The following ABCC11 variants were observed in gnomAD, a reference collection of about 807,000 sequenced individuals.
The protein encoded by ABCC11 is ATP binding cassette subfamily C member 11, also known as ATP-binding cassette sub-family C member 11.
Under a neutral mutation model 149.3 loss-of-function variants are expected in ABCC11, and 135 were observed. The observed-to-expected ratio is 0.90, with a 90% CI of 0.79 to 1.04. The LOEUF is 1.04. Among genes scored for constraint, ABCC11 ranks in the 50% least tolerant of loss-of-function variants. The probability of loss-of-function intolerance (pLI) is 0.00; values close to 1 mark genes in which losing one functional copy is unlikely to be tolerated. For missense variants in ABCC11, 1,680 were observed against 1,722.1 expected (o/e 0.98, Z 0.43); for synonymous variants, 665 against 671.4 (o/e 0.99, Z 0.15).
chr16:48,210,731 A>C (rs574218173), intron 11 of ABCC11: 1 of 654,548 alleles, frequency 1.5e-6, no homozygotes, highest in African/African-American at 1.8e-5. Context: ...TTTGGGTCTT[A>C]CCTAAGCCAA....
rs555504955 is a variant in ABCC11, at chr16:48,224,217, C to T, written c.543+65G>A. 2.1e-4 allele frequency: 319 copies of T among 1,545,474 alleles called. 1 individual carries two copies. The highest frequency in any genetic ancestry group is 3.7e-4 in the African/African-American group (27 of 72,698). Reference sequence around the variant, plus strand: ...CTCCTGGCATGGACTTGAACATGCCCGCAGTTCCATCGCTAAACCTCTGAA... The same window carrying T: ...CTCCTGGCATGGACTTGAACATGCCTGCAGTTCCATCGCTAAACCTCTGAA... On this transcript the variant is annotated intron_variant, in intron 5 of 29. Transcript: ENST00000356608.
rs1164948658 is a variant in ABCC11, at chr16:48,198,258, G to A, written c.2100C>T (p.Gly700=). 6.2e-7 allele frequency: 1 copy of A among 1,614,002 alleles called. No homozygotes were observed. Among genetic ancestry groups the A allele is most frequent in the Non-Finnish European group, 8.5e-7 (1 of 1,180,038 alleles). The change falls in exon 16 of 30, where the codon GGC becomes GGT. Residue 700 remains glycine (G), a synonymous_variant. Coordinates refer to ENST00000356608, the MANE Select transcript of ABCC11 (RefSeq NM_001370497.1). ...TCCCATTTTCCAACAAAATGATCTGGCCACAAAATTCTAAGTACTGGACAG... is the reference window on the plus strand; with the variant it reads ...TCCCATTTTCCAACAAAATGATCTGACCACAAAATTCTAAGTACTGGACAG... ...THQLQYLEFC[G]QIILLENGKI... is the part of the protein sequence containing the mutation.
chr16:48,197,896 A>C, intron 17 of ABCC11, 75 bp downstream of exon 17: 1 of 1,491,750 alleles, frequency 6.7e-7, no homozygotes. Flanking sequence ...TCTGGGGTCA[A>C]GGAGGAAACA....
chr16:48,202,591 A>G (rs899575692), intron 14 of ABCC11, among the ~76,000 whole-genome samples: 1 of 151,718 alleles, frequency 6.6e-6, no homozygotes, highest in African/African-American at 2.4e-5. Context: ...AGCCTGGGTG[A>G]CAGACAGAGA....
chr16:48,190,584 G>A (rs780886963), intron 20 of ABCC11, among the ~76,000 whole-genome samples: 35 of 152,026 alleles, frequency 2.3e-4, no homozygotes, highest in Non-Finnish European at 3.8e-4. Context: ...GGCTGGTCTC[G>A]AACTCCTGAG....
intron 20 of ABCC11, among the ~76,000 whole-genome samples, chr16:48,189,744 A>G (rs910782675): frequency 6.6e-6 from 1 of 152,204 alleles, no homozygotes; most frequent in Admixed American, 6.5e-5. Flanking sequence ...GGAAAGTGTC[A>G]GGCCTCAGGT....
At chr16:48,186,283 C>T (rs1173542258) in intron 22 of ABCC11, among the ~76,000 whole-genome samples, 2 of 152,178 alleles carry the variant, frequency 1.3e-5, no homozygotes, top group African/African-American at 4.8e-5. Flanking sequence ...TATCTGATTC[C>T]CCCAGGCCAC....
chr16:48,167,567 C>T lies in ABCC11; in HGVS notation c.3985G>A (p.Val1329Met), dbSNP rs372662316. 144 of 1,614,026 alleles carry T rather than the reference C, an allele frequency of 8.9e-5. No homozygotes were observed. Among genetic ancestry groups the T allele is most frequent in the Non-Finnish European group, 1.1e-4 (124 of 1,180,038 alleles). ...TIREAFQGCT[V>M]LVIAHRVTTV... Reference sequence around the variant, plus strand: ...GTGACACGGTGGGCAATGACGAGCACGGTGCAGCCCTGGAAGGCTTCACGG... The same window carrying T: ...GTGACACGGTGGGCAATGACGAGCATGGTGCAGCCCTGGAAGGCTTCACGG... The change falls in exon 29 of 30, where the codon GTG becomes ATG. Residue 1329 changes from valine to methionine, a missense_variant. By Grantham distance (21) the Val-to-Met change is conservative (BLOSUM62 1). Transcript: ENST00000356608.
chr16:48,178,398 T>C (rs1479374059), intron 24 of ABCC11, among the ~76,000 whole-genome samples, 199 bp downstream of exon 24: 2 of 152,068 alleles, frequency 1.3e-5, no homozygotes, highest in Non-Finnish European at 1.5e-5. Context: ...AGGGATGTGG[T>C]CAAAGTGAGC....
rs141286085 is a variant in ABCC11, at chr16:48,201,161, C to T, written c.1879-682G>A. On this transcript the variant is annotated intron_variant, in intron 14 of 29. Transcript: ENST00000356608. ...AAAAATTGTAACTCTTACTTAGATA[C>T]AATTTTTCTAAACCTATCAACTTCT... Among the ~76,000 whole-genome samples the T allele has an allele frequency of 1.2e-3, 184 of 152,272 alleles. 1 individual carries two copies. Among genetic ancestry groups the T allele is most frequent in the African/African-American group, 4.3e-3 (179 of 41,550 alleles).
intron 14 of ABCC11, among the ~76,000 whole-genome samples, chr16:48,201,590 C>A (rs976688988): frequency 6.7e-6 from 1 of 149,792 alleles, no homozygotes; most frequent in African/African-American, 2.5e-5. Flanking sequence ...TGGGGTTACA[C>A]TGGACCTGGC....
chr16:48,241,846 A>G (rs1208621819), intron 1 of ABCC11, among the ~76,000 whole-genome samples: 1 of 152,230 alleles, frequency 6.6e-6, no homozygotes, highest in Non-Finnish European at 1.5e-5. Flanking sequence ...AGCCATATGT[A>G]GAAAGCTGAA....
At chr16:48,217,475 A>G (rs1434310752) in intron 6 of ABCC11, among the ~76,000 whole-genome samples, 1 of 152,192 alleles carries the variant, frequency 6.6e-6, no homozygotes, top group Non-Finnish European at 1.5e-5. Flanking sequence ...ACATGCCTGT[A>G]GTCCCAGCTT....
rs547853246 is a variant in ABCC11, at chr16:48,201,359, C to T, written c.1879-880G>A. Among the ~76,000 whole-genome samples, 53 of 152,266 alleles carry T rather than the reference C, an allele frequency of 3.5e-4. 1 individual carries two copies. The highest frequency in any genetic ancestry group is 8.5e-4 in the Admixed American group (13 of 15,294). ...TGGCACCAGCAATCATGGCTTACTG[C>T]GACCTCCGCCTCTCAGTCTCAAGCG... On this transcript the variant is annotated intron_variant, in intron 14 of 29. Coordinates refer to ENST00000356608, the MANE Select transcript of ABCC11 (RefSeq NM_001370497.1).
intron 1 of ABCC11, among the ~76,000 whole-genome samples, chr16:48,238,733 C>G (rs1385062738): frequency 3.3e-5 from 5 of 151,822 alleles, no homozygotes. Flanking sequence ...GTCAGGAGAT[C>G]GAGACCATCC....
At chr16:48,220,247 T>C (rs941411517) in intron 6 of ABCC11, among the ~76,000 whole-genome samples, 2 of 152,202 alleles carry the variant, frequency 1.3e-5, no homozygotes, top group Non-Finnish European at 2.9e-5. Context: ...CCAGGCACCA[T>C]GTCCAAATTC....
intron 6 of ABCC11, among the ~76,000 whole-genome samples, chr16:48,220,848 G>A (rs1236106951): frequency 1.3e-5 from 2 of 152,180 alleles, no homozygotes; most frequent in African/African-American, 4.8e-5. Context: ...TCAGGTGTTG[G>A]GCCTTTTGAG....
Position 48,208,426 on chromosome 16 carries a change from T to C in ABCC11, c.1679A>G (p.Glu560Gly), listed in dbSNP as rs1365858213. The change falls in exon 12 of 30, where the codon GAG (glutamate) becomes GGG (glycine). Residue 560 changes from glutamate to glycine, a missense_variant and splice_region_variant. By Grantham distance (98) the Glu-to-Gly change is moderately conservative. Coordinates refer to ENST00000356608, the MANE Select transcript of ABCC11 (RefSeq NM_001370497.1). ...AGCATGTGGCCACAGATCACTTACCTCCTCCAGGATGGCTGACAACAGGCT... is the reference window on the plus strand; with the variant it reads ...AGCATGTGGCCACAGATCACTTACCCCCTCCAGGATGGCTGACAACAGGCT... ...KSSLLSAILE[E>G]MHLLEGSVGV... 3 of 1,613,962 alleles carry C rather than the reference T, an allele frequency of 1.9e-6. No individual in the cohort carries two copies. The highest frequency in any genetic ancestry group is 2.5e-6 in the Non-Finnish European group (3 of 1,180,014).
chr16:48,211,159 G>T lies in ABCC11; in HGVS notation c.1397C>A (p.Thr466Lys). ...CAGAGCTTTGCTGGGGTCTTGTAAT[G>T]TCTGGACATAGAAAACAGGGCTCTC... ...LQESPVFYVQ[T>K]LQDPSKALVF... Residue 466 changes from threonine (T) to lysine (K), a missense_variant, in exon 11 of 30, where the codon ACA becomes AAA. Physicochemically the swap from Thr to Lys is moderately conservative, Grantham distance 78 (BLOSUM62 -1). Coordinates refer to ENST00000356608, the MANE Select transcript of ABCC11 (RefSeq NM_001370497.1). 1 of 1,614,180 alleles carries T rather than the reference G, an allele frequency of 6.2e-7. No homozygotes were observed.
Sources: gnomAD v4.1 joint callset for allele counts (sites outside exome capture counted in the v4.1 genomes callset) on GRCh38, gnomAD v4.1.1 for gene constraint, MANE v1.5 for transcripts, NCBI Gene and HGNC (gene_info 2026-07-23, HGNC 2026-07-21) for gene names.